The following KLHL42 variants were observed in gnomAD, a reference collection of about 807,000 sequenced individuals.
The protein encoded by KLHL42 is kelch-like protein 42.
Under a neutral mutation model 32.7 loss-of-function variants are expected in KLHL42, and 27 were observed. The ratio of observed to expected loss-of-function variants is 0.83; its 90% CI spans 0.61 to 1.14. The LOEUF (loss-of-function observed/expected upper bound fraction) is 1.14. Ranked by LOEUF, KLHL42 falls within the 50% of genes most tolerant of loss-of-function variation. The pLI, the probability that KLHL42 is intolerant of heterozygous loss-of-function variation, is 0.00. For synonymous variants in KLHL42, 267 were observed against 248.2 expected (o/e 1.08, Z -0.71); for missense variants, 491 against 560.8 (o/e 0.88, Z 1.26).
intron 1 of KLHL42, among the ~76,000 whole-genome samples, chr12:27,791,198 C>T (rs1166022978): frequency 6.6e-6 from 1 of 152,204 alleles, no homozygotes; most frequent in Non-Finnish European, 1.5e-5. Context: ...CTCAGGTATA[C>T]TCGTTGTGCA....
Position 27,800,273 on chromosome 12 carries a change from T to C in KLHL42, c.*2107T>C. 1 of 985,386 alleles carries C rather than the reference T, an allele frequency of 1.0e-6. No individual in the cohort carries two copies. Among genetic ancestry groups the C allele is most frequent in the Non-Finnish European group, 1.2e-6 (1 of 829,940 alleles). 61.0% of individuals were successfully genotyped at this position (985,386 alleles called of 1,614,324 possible). On this transcript the variant is annotated 3_prime_UTR_variant, in exon 3 of 3. Transcript: ENST00000381271. ...ATTTGCCTAATGTTGACAATTAGAT[T>C]CTTGGACCAAGTGAGGGTGTACTCT...
At chr12:27,784,463 T>A (rs990912171) in intron 1 of KLHL42, among the ~76,000 whole-genome samples, 13 of 152,012 alleles carry the variant, frequency 8.6e-5, no homozygotes, top group African/African-American at 2.7e-4. Context: ...TTAAATTTTG[T>A]TGAAGCTGGG....
At chr12:27,785,281 C>T (rs1417018323) in intron 1 of KLHL42, among the ~76,000 whole-genome samples, 1 of 152,146 alleles carries the variant, frequency 6.6e-6, no homozygotes, top group African/African-American at 2.4e-5. Flanking sequence ...CTTACTGCAG[C>T]CTTCAACTCT....
rs561129142 is a variant in KLHL42 at position 27,783,816 on chromosome 12, C to T, written c.872+2614C>T. Reference sequence around the variant, plus strand: ...AGACAGGATGGTCTCGATCTCCTGACCTCGTGATCCGCCCGCCTCAGCCTC... The same window carrying T: ...AGACAGGATGGTCTCGATCTCCTGATCTCGTGATCCGCCCGCCTCAGCCTC... On this transcript the variant is annotated intron_variant, in intron 1 of 2. Coordinates refer to ENST00000381271, the MANE Select transcript of KLHL42 (RefSeq NM_020782.2). Among the ~76,000 whole-genome samples, 170 of 152,210 alleles carry T rather than the reference C, an allele frequency of 1.1e-3. 1 individual carries two copies. Among genetic ancestry groups the T allele is most frequent in the African/African-American group, 3.5e-3 (147 of 41,542 alleles).
In KLHL42 at chr12:27,781,851, C is replaced by G. The variant is rs145986428; in HGVS notation, c.872+649C>G. On this transcript the variant is annotated intron_variant, in intron 1 of 2. Transcript: ENST00000381271. ...ATTTTCATTTACGCAACCTTCTCCC[C>G]CTCCCATCCTGCAAATCTCTCCTGC... is the stretch of plus-strand genomic sequence containing the variant. 7.2e-4 allele frequency among the ~76,000 whole-genome samples: 110 copies of G among 152,284 alleles called. 1 individual carries two copies. The highest frequency in any genetic ancestry group is 1.4e-3 in the Non-Finnish European group (93 of 68,026).
chr12:27,791,463 G>A (rs893426271), intron 1 of KLHL42, among the ~76,000 whole-genome samples: 3 of 152,188 alleles, frequency 2.0e-5, no homozygotes, highest in Non-Finnish European at 4.4e-5. Context: ...TTAATAACTT[G>A]TTGTATTGAA....
chr12:27,793,055 G>C (rs1163952324), intron 2 of KLHL42, among the ~76,000 whole-genome samples: 2 of 152,128 alleles, frequency 1.3e-5, no homozygotes, highest in Non-Finnish European at 2.9e-5. Context: ...CTGCTTGCCA[G>C]CAAGTTTTAT....
intron 1 of KLHL42, among the ~76,000 whole-genome samples, chr12:27,787,129 G>T (rs192790326): frequency 1.5e-4 from 23 of 152,252 alleles, no homozygotes; most frequent in Admixed American, 4.6e-4. Flanking sequence ...GGCCAAGTGT[G>T]CAACACTGCC....
intron 2 of KLHL42, among the ~76,000 whole-genome samples, chr12:27,792,780 C>T (rs560025947): frequency 6.6e-6 from 1 of 152,334 alleles, no homozygotes; most frequent in African/African-American, 2.4e-5. Context: ...GCCTTAGCCT[C>T]CCAAGGTGCT....
chr12:27,790,883 A>C (rs2062193302), intron 1 of KLHL42, among the ~76,000 whole-genome samples: 1 of 152,130 alleles, frequency 6.6e-6, no homozygotes, highest in Non-Finnish European at 1.5e-5. Context: ...CATCTCCACA[A>C]AAAACTGTTT....
chr12:27,782,957 A>G (rs573068313), intron 1 of KLHL42, among the ~76,000 whole-genome samples: 1 of 152,254 alleles, frequency 6.6e-6, no homozygotes, highest in Non-Finnish European at 1.5e-5. Flanking sequence ...TGTAAATTAT[A>G]TGTATACTTG....
intron 1 of KLHL42, among the ~76,000 whole-genome samples, chr12:27,783,453 C>T (rs1378033534): frequency 6.6e-6 from 1 of 152,082 alleles, no homozygotes; most frequent in East Asian, 1.9e-4. Flanking sequence ...GGTGTATCAC[C>T]TTACACATTT....
chr12:27,780,578 G>A lies in KLHL42; in HGVS notation c.248G>A (p.Arg83His), dbSNP rs1341334083. 1.3e-6 allele frequency: 2 copies of A among 1,538,826 alleles called. No homozygotes were observed. The highest frequency in any genetic ancestry group is 2.8e-5 in the African/African-American group (2 of 72,718). Residue 83 changes from arginine (R) to histidine (H), a missense_variant, in exon 1 of 3, where the codon CGC becomes CAC. Coordinates refer to ENST00000381271, the MANE Select transcript of KLHL42 (RefSeq NM_020782.2). This position sits in a 1 kb window ranked among gnomAD's most constrained non-coding sequence, Gnocchi z 8.8. The stretch of plus-strand genomic sequence containing the variant: ...CGCGAAGGCTGGCTCCTGGGCCCGC[G>A]CGGGGAAAAGGGCGGCGGGGTGGAC... ...GAREGWLLGP[R>H]GEKGGGVDED... is the part of the protein sequence containing the mutation.
chr12:27,790,133 T>C (rs1372919097), intron 1 of KLHL42, among the ~76,000 whole-genome samples: 1 of 152,202 alleles, frequency 6.6e-6, no homozygotes, highest in Admixed American at 6.5e-5. Flanking sequence ...AGTATATTAT[T>C]ATTTTTGAAG....
rs1485546041 is a variant in KLHL42, at chr12:27,802,877, A to G, written c.*4711A>G. On this transcript the variant is annotated 3_prime_UTR_variant, in exon 3 of 3. Coordinates refer to ENST00000381271, the MANE Select transcript of KLHL42 (RefSeq NM_020782.2). Reference sequence around the variant, plus strand: ...TGATATGACTGATACTTTCTTTGTTAAAAGGTTGTATTAAGTCTTCAATTT... The same window carrying G: ...TGATATGACTGATACTTTCTTTGTTGAAAGGTTGTATTAAGTCTTCAATTT... The G allele has an allele frequency of 6.6e-6, 1 of 152,360 alleles. No homozygotes were observed. Among genetic ancestry groups the G allele is most frequent in the African/African-American group, 2.4e-5 (1 of 41,462 alleles). 9.4% of individuals were successfully genotyped at this position (152,360 alleles called of 1,614,324 possible).
At position 27,780,382 on chromosome 12, in the gene KLHL42, G is replaced by C; in HGVS notation, c.52G>C (p.Val18Leu). ...CCGCCTGGAGGACCGCTGCTACCCG[G>C]TGAGCAAGAGGAAGCTCATCGAGCA... ...QIRLEDRCYP[V>L]SKRKLIEQSD... Residue 18 changes from valine (V) to leucine (L), a missense_variant, in exon 1 of 3, where the codon GTG (valine) becomes CTG (leucine). Val to Leu is a conservative substitution (Grantham distance 32). Coordinates refer to ENST00000381271, the MANE Select transcript of KLHL42 (RefSeq NM_020782.2). The surrounding 1 kb of genome is among the most constrained non-coding windows in gnomAD (Gnocchi z 8.8). The C allele has an allele frequency of 1.3e-6, 2 of 1,581,982 alleles. No homozygotes were observed. Among genetic ancestry groups the C allele is most frequent in the Non-Finnish European group, 1.7e-6 (2 of 1,166,236 alleles).
chr12:27,780,268 T>G lies in KLHL42; in HGVS notation c.-63T>G. 2.1e-6 allele frequency: 3 copies of G among 1,407,660 alleles called. No individual in the cohort carries two copies. Among genetic ancestry groups the G allele is most frequent in the Non-Finnish European group, 2.8e-6 (3 of 1,077,816 alleles). 87.2% of individuals were successfully genotyped at this position (1,407,660 alleles called of 1,614,324 possible). ...GCCCCGCCCGGAACCGGCGCGCGCG[T>G]AGGGGCTGGGAGGCCGGCGCGCAGA... On this transcript the variant is annotated 5_prime_UTR_variant, in exon 1 of 3. Transcript: ENST00000381271. This position sits in a 1 kb window ranked among gnomAD's most constrained non-coding sequence, Gnocchi z 8.8.
At chr12:27,782,663 C>T (rs75046686) in intron 1 of KLHL42, among the ~76,000 whole-genome samples, 1 of 152,102 alleles carries the variant, frequency 6.6e-6, no homozygotes, top group Non-Finnish European at 1.5e-5. Flanking sequence ...TTGGTGCTCA[C>T]CAGGCCATCC....
chr12:27,789,806 CA>C (rs1250131611), intron 1 of KLHL42, among the ~76,000 whole-genome samples: 4 of 152,066 alleles, frequency 2.6e-5, no homozygotes, highest in Non-Finnish European at 5.9e-5. Flanking sequence ...TCTGTTGGCA[CA>C]AAAAAGTGGG....
Sources: allele counts gnomAD v4.1 joint callset (sites outside exome capture counted in the v4.1 genomes callset), GRCh38; gene constraint gnomAD v4.1.1; non-coding constraint Gnocchi (gnomAD v3.1); transcripts MANE v1.5; gene names NCBI Gene and HGNC (gene_info 2026-07-23, HGNC 2026-07-21).